Variants in SLC6A5 observed in about 807,000 individuals in gnomAD.
SLC6A5 encodes solute carrier family 6 member 5, also known as sodium- and chloride-dependent glycine transporter 2.
In SLC6A5, 58 loss-of-function variants were observed where a neutral mutation model predicts 90.5. The observed-to-expected ratio is 0.64, with a 90% CI of 0.52 to 0.80. The LOEUF is 0.80. Among genes scored for constraint, SLC6A5 ranks in the 30% least tolerant of loss-of-function variants. SLC6A5 has a pLI of 0.00. For synonymous variants in SLC6A5, 427 were observed against 401.4 expected, an observed-to-expected ratio of 1.06 and a Z score of -0.76; for missense variants, 1,015 against 1,017.6, an observed-to-expected ratio of 1.00 and a Z score of 0.03.
At position 20,599,630 on chromosome 11, in the gene SLC6A5, G is replaced by A. The variant is rs771293291; in HGVS notation, c.-43G>A. On this transcript the variant is annotated 5_prime_UTR_variant, in exon 1 of 16. Coordinates refer to ENST00000525748, the MANE Select transcript of SLC6A5 (RefSeq NM_004211.5). The stretch of plus-strand genomic sequence containing the variant: ...AGCCAAACCCAGTCTTGTCAATAGC[G>A]GGTTTCACCCTCCACCAGTTCAGTC... 2.5e-6 allele frequency: 4 copies of A among 1,613,764 alleles called. No homozygotes were observed. The highest frequency in any genetic ancestry group is 1.1e-5 in the South Asian group (1 of 91,082).
chr11:20,640,817 G>T (rs554879499), intron 13 of SLC6A5, among the ~76,000 whole-genome samples: 1 of 152,170 alleles, frequency 6.6e-6, no homozygotes, highest in Non-Finnish European at 1.5e-5. Flanking sequence ...TTAAAATAGT[G>T]GAACATAAAC....
At position 20,607,058 on chromosome 11, in the gene SLC6A5, T is replaced by C; in HGVS notation, c.731T>C (p.Ile244Thr). ...ATGCTGGCTCTGGCTGGATTACCCA[T>C]CTTCTTCTTGGAGGTGTCGCTGGGC... ...LMMLALAGLP[I>T]FFLEVSLGQF... Residue 244 changes from isoleucine to threonine, a missense_variant, in exon 4 of 16, where the codon ATC becomes ACC. By Grantham distance (89) the Ile-to-Thr change is moderately conservative. Around this residue, in one of 3 missense-constraint regions of SLC6A5, gnomAD observed 567 missense variants for 507.3 expected, o/e 1.12. Coordinates refer to ENST00000525748, the MANE Select transcript of SLC6A5 (RefSeq NM_004211.5). 1 of 1,614,014 alleles carries C rather than the reference T, an allele frequency of 6.2e-7. No individual in the cohort carries two copies. Among genetic ancestry groups the C allele is most frequent in the East Asian group, 2.2e-5 (1 of 44,838 alleles).
At chr11:20,600,269 T>C (rs903023971) in intron 1 of SLC6A5, among the ~76,000 whole-genome samples, 1 of 151,162 alleles carries the variant, frequency 6.6e-6, no homozygotes, top group Non-Finnish European at 1.5e-5. Context: ...GTTTTGGTAC[T>C]CAAGCAAGCT....
chr11:20,626,813 C>A lies in SLC6A5; in HGVS notation c.1366C>A (p.Pro456Thr), dbSNP rs151291192. 2.5e-5 allele frequency: 40 copies of A among 1,613,902 alleles called. No individual in the cohort carries two copies. Among genetic ancestry groups the A allele is most frequent in the Non-Finnish European group, 3.0e-5 (35 of 1,179,876 alleles). Residue 456 changes from proline (P) to threonine (T), a missense_variant, in exon 8 of 16, where the codon CCC becomes ACC. Physicochemically the swap from Pro to Thr is conservative, Grantham distance 38. Coordinates refer to ENST00000525748, the MANE Select transcript of SLC6A5 (RefSeq NM_004211.5). ...AGCTGGGATCTGGTACTTCATCACA[C>A]CCAAGTGGGAGAAACTCACGGATGC... ...AGAGIWYFIT[P>T]KWEKLTDATV...
intron 13 of SLC6A5, among the ~76,000 whole-genome samples, chr11:20,645,531 T>C (rs1853396151): frequency 1.3e-5 from 2 of 151,542 alleles, no homozygotes; most frequent in Non-Finnish European, 2.9e-5. Context: ...GGCCTGAAAA[T>C]GTACAAGGAG....
chr11:20,638,430 T>G, intron 12 of SLC6A5, 29 bp from the exon 13 acceptor site: 6 of 1,375,160 alleles, frequency 4.4e-6, no homozygotes, highest in Non-Finnish European at 6.2e-6. Flanking sequence ...AGGACGCATT[T>G]GATATTGGTT....
In SLC6A5 at chr11:20,630,961, G is replaced by C. The variant is rs895425310; in HGVS notation, c.1624+146G>C. The C allele has an allele frequency of 1.0e-5, 9 of 889,004 alleles. No individual in the cohort carries two copies. In the African/African-American group the frequency reaches 1.5e-4, roughly 15 times the overall value. 55.1% of individuals were successfully genotyped at this position (889,004 alleles called of 1,614,324 possible). A position where few individuals can be genotyped will look rare whatever the true frequency, so the allele number is the denominator to read the frequency against. On this transcript the variant is annotated intron_variant, in intron 10 of 15. Transcript: ENST00000525748. ...AGGTCCTTCTTTACAGAGGGACCAA[G>C]GCAGGCTCAAGTAGGAAGCTCACTG...
At chr11:20,643,744 C>T (rs1253966227) in intron 13 of SLC6A5, among the ~76,000 whole-genome samples, 4 of 152,322 alleles carry the variant, frequency 2.6e-5, no homozygotes, top group South Asian at 2.1e-4. Context: ...TTAGAGTGAG[C>T]TGGGAAAAGT....
At position 20,616,429 on chromosome 11, in the gene SLC6A5, G is replaced by T. The variant is rs536573463; in HGVS notation, c.1128-1323G>T. On this transcript the variant is annotated intron_variant, in intron 6 of 15. Transcript: ENST00000525748. ...AAAAGTGATTTGCAAACCTGCTTTT[G>T]ATGGCCTTTACTAATCCTCTGGGGC... is the stretch of plus-strand genomic sequence containing the variant. 2.1e-4 allele frequency among the ~76,000 whole-genome samples: 32 copies of T among 152,296 alleles called. No individual in the cohort carries two copies. In the East Asian group the frequency reaches 5.8e-3, roughly 28 times the overall value.
intron 13 of SLC6A5, among the ~76,000 whole-genome samples, 156 bp downstream of exon 13, chr11:20,638,714 C>A (rs1342071810): frequency 6.6e-6 from 1 of 152,086 alleles, no homozygotes; most frequent in Non-Finnish European, 1.5e-5. Flanking sequence ...TCTAAACTTG[C>A]CTCACGACCA....
At position 20,607,054 on chromosome 11, in the gene SLC6A5, C is replaced by A. The variant is rs759132017; in HGVS notation, c.727C>A (p.Pro243Thr). ...YLMMLALAGLPIFFLEVSLGQ... is the reference protein window; with the variant it reads ...YLMMLALAGLTIFFLEVSLGQ... ...GATGATGCTGGCTCTGGCTGGATTA[C>A]CCATCTTCTTCTTGGAGGTGTCGCT... The change falls in exon 4 of 16, where the codon CCC becomes ACC. Residue 243 changes from proline (P) to threonine (T), a missense_variant. This residue lies in a region of SLC6A5 where 567 missense variants were observed against 507.3 expected (regional missense o/e 1.12). Coordinates refer to ENST00000525748, the MANE Select transcript of SLC6A5 (RefSeq NM_004211.5). The A allele has an allele frequency of 2.5e-6, 4 of 1,614,062 alleles. No individual in the cohort carries two copies. The highest frequency in any genetic ancestry group is 2.2e-5 in the East Asian group (1 of 44,854).
chr11:20,613,482 A>G (rs1852729913), intron 5 of SLC6A5, among the ~76,000 whole-genome samples: 3 of 152,154 alleles, frequency 2.0e-5, no homozygotes, highest in South Asian at 4.1e-4. Flanking sequence ...TAAAATGACA[A>G]TAATAATATA....
At chr11:20,616,821 T>C (rs1003450858) in intron 6 of SLC6A5, among the ~76,000 whole-genome samples, 1 of 152,076 alleles carries the variant, frequency 6.6e-6, no homozygotes, top group African/African-American at 2.4e-5. Context: ...GGACCAGGAG[T>C]GGGGCTGCTG....
Position 20,607,603 on chromosome 11 carries a change from C to G in SLC6A5, c.936C>G (p.Asn312Lys), listed in dbSNP as rs749826108. ...CTGTACTACCCTGGGGCTCCTGCAA[C>G]AACCCTTGGAATACGCCAGAATGCA... The part of the protein sequence containing the change: ...FVSVLPWGSC[N>K]NPWNTPECKD... The change falls in exon 5 of 16, where the codon AAC becomes AAG. Residue 312 changes from asparagine (N) to lysine (K), a missense_variant. Physicochemically the swap from Asn to Lys is moderately conservative, Grantham distance 94. This residue lies in a region of SLC6A5 where 567 missense variants were observed against 507.3 expected (regional missense o/e 1.12). Coordinates refer to ENST00000525748, the MANE Select transcript of SLC6A5 (RefSeq NM_004211.5). The G allele has an allele frequency of 3.7e-6, 6 of 1,614,042 alleles. No homozygotes were observed. In the African/African-American group the frequency reaches 6.7e-5, roughly 18 times the overall value.
intron 6 of SLC6A5, among the ~76,000 whole-genome samples, chr11:20,616,932 C>G (rs1415240660): frequency 6.6e-6 from 1 of 152,206 alleles, no homozygotes; most frequent in Non-Finnish European, 1.5e-5. Context: ...CACAGAAAAA[C>G]GTCAACCTAC....
At chr11:20,608,735 G>A (rs1414356402) in intron 5 of SLC6A5, among the ~76,000 whole-genome samples, 2 of 152,082 alleles carry the variant, frequency 1.3e-5, no homozygotes, top group East Asian at 1.9e-4. Context: ...CTGTATGATC[G>A]GCTCTTAGTG....
chr11:20,623,483 T>C (rs1224704541), intron 7 of SLC6A5, among the ~76,000 whole-genome samples: 1 of 152,074 alleles, frequency 6.6e-6, no homozygotes, highest in Non-Finnish European at 1.5e-5. Flanking sequence ...CCCCATTCTT[T>C]GTCCTTTGCC....
At chr11:20,602,927 G>T (rs543359793) in intron 2 of SLC6A5, among the ~76,000 whole-genome samples, 47 of 152,318 alleles carry the variant, frequency 3.1e-4, no homozygotes, top group African/African-American at 1.1e-3. Context: ...TCCGCACTGC[G>T]GCAGAAGGAG....
chr11:20,599,631 G>T lies in SLC6A5; in HGVS notation c.-42G>T. Reference sequence around the variant, plus strand: ...GCCAAACCCAGTCTTGTCAATAGCGGGTTTCACCCTCCACCAGTTCAGTCT... The same window carrying T: ...GCCAAACCCAGTCTTGTCAATAGCGTGTTTCACCCTCCACCAGTTCAGTCT... On this transcript the variant is annotated 5_prime_UTR_variant, in exon 1 of 16. Transcript: ENST00000525748. The T allele has an allele frequency of 6.2e-7, 1 of 1,613,920 alleles. No individual in the cohort carries two copies. The highest frequency in any genetic ancestry group is 8.5e-7 in the Non-Finnish European group (1 of 1,179,788).
Sources: gnomAD v4.1 joint callset for allele counts (sites outside exome capture counted in the v4.1 genomes callset) on GRCh38, gnomAD v4.1.1 for gene constraint, gnomAD v4.1.1 regional missense constraint, MANE v1.5 for transcripts, NCBI Gene and HGNC (gene_info 2026-07-23, HGNC 2026-07-21) for gene names.